Variants in LYST observed in about 807,000 individuals in gnomAD.
The protein encoded by LYST is lysosomal-trafficking regulator.
LYST carries 192 observed loss-of-function variants against 413.6 expected under a neutral mutation model. The ratio of observed to expected loss-of-function variants is 0.46; its 90% CI spans 0.41 to 0.52. The LOEUF is 0.52. Ranked by LOEUF, LYST falls within the 20% of genes least tolerant of loss-of-function variation. LYST has a pLI of 0.00. For synonymous variants in LYST, 1,525 were observed against 1,567.3 expected (o/e 0.97, Z 0.64); for missense variants, 3,815 against 4,499.9 (o/e 0.85, Z 4.35).
At chr1:235,798,578 TAAAAAAAAAAAAAAAAAAAAAAA>T (rs71174462) in intron 10 of LYST, among the ~76,000 whole-genome samples, 8 of 81,712 alleles carry the variant, frequency 9.8e-5, no homozygotes, top group South Asian at 5.5e-4. Flanking sequence ...AACCCTGTCA[TAAAAAAAAAAAAAAAAAAAAAAA>T]AAAAAAAAAA....
chr1:235,848,579 A>C (rs1275020763), intron 1 of LYST, among the ~76,000 whole-genome samples: 1 of 152,166 alleles, frequency 6.6e-6, no homozygotes, highest in Non-Finnish European at 1.5e-5. Flanking sequence ...AAGATAAATG[A>C]AACAAAAAGC....
At chr1:235,875,694 A>G (rs761760512) in intron 1 of LYST, among the ~76,000 whole-genome samples, 2 of 152,130 alleles carry the variant, frequency 1.3e-5, no homozygotes, top group African/African-American at 2.4e-5. Context: ...AAAGTAAAAA[A>G]TTAGCCAGGC....
At chr1:235,688,996 T>C (rs1439646497) in intron 47 of LYST, among the ~76,000 whole-genome samples, 1 of 106,882 alleles carries the variant, frequency 9.4e-6, no homozygotes, top group African/African-American at 5.3e-5. Flanking sequence ...ATAATAATAA[T>C]AATAATAATA....
intron 14 of LYST, among the ~76,000 whole-genome samples, chr1:235,785,703 A>T (rs1020377796): frequency 1.3e-5 from 2 of 152,132 alleles, no homozygotes; most frequent in African/African-American, 4.8e-5. Context: ...ATTCATTTTT[A>T]TTTCTCATTA....
In LYST at chr1:235,853,966, T is replaced by TAG. The variant is rs543711695; in HGVS notation, c.-98+12875_-98+12876dup. Among the ~76,000 whole-genome samples the TAG allele has an allele frequency of 5.9e-3, 900 of 152,208 alleles. 4 individuals carry two copies. The highest frequency in any genetic ancestry group is 0.01 in the Non-Finnish European group (710 of 68,004). Reference sequence around the variant, plus strand: ...TAGAAATTCTGAGATATTGTAGCTATAGAGAGAGAGACGGCATTTAAAGGA... The same window carrying TAG: ...TAGAAATTCTGAGATATTGTAGCTATAGAGAGAGAGAGACGGCATTTAAAGGA... On this transcript the variant is annotated intron_variant, in intron 1 of 52. Coordinates refer to ENST00000389793, the MANE Select transcript of LYST (RefSeq NM_000081.4).
chr1:235,824,235 A>G (rs937395822), intron 3 of LYST, among the ~76,000 whole-genome samples: 4 of 152,262 alleles, frequency 2.6e-5, no homozygotes, highest in Admixed American at 1.3e-4. Context: ...ACTCAGCAAC[A>G]TAAGTAACAA....
chr1:235,726,514 AG>A (rs1461166632), intron 38 of LYST, among the ~76,000 whole-genome samples: 3 of 152,166 alleles, frequency 2.0e-5, no homozygotes, highest in Admixed American at 2.0e-4. Context: ...TGGGTCAAAA[AG>A]GGGGCATGAA....
chr1:235,800,532 G>A, intron 9 of LYST, 146 bp from the exon 10 acceptor site: 1 of 613,166 alleles, frequency 1.6e-6, no homozygotes, highest in Non-Finnish European at 2.9e-6. Context: ...ACTATGTGTA[G>A]GATTATACTA....
At chr1:235,871,633 C>A (rs1680929447), upstream of LYST, among the ~76,000 whole-genome samples, 1 of 152,224 alleles carries the variant, frequency 6.6e-6, no homozygotes, top group Non-Finnish European at 1.5e-5. Flanking sequence ...GTACACTATT[C>A]TTAACAACCT....
At position 235,808,268 on chromosome 1, in the gene LYST, A is replaced by G. The variant is rs954202985; in HGVS notation, c.2363+187T>C. The stretch of plus-strand genomic sequence containing the variant: ...TGGAAGGAGAACATTTTTTGTTGAC[A>G]AATTGAAATTAAATCCTAGGAAAGA... On this transcript the variant is annotated intron_variant, in intron 5 of 52. Coordinates refer to ENST00000389793, the MANE Select transcript of LYST (RefSeq NM_000081.4). 2.4e-4 allele frequency among the ~76,000 whole-genome samples: 36 copies of G among 152,324 alleles called. 1 individual carries two copies. The highest frequency in any genetic ancestry group is 7.9e-4 in the African/African-American group (33 of 41,576).
chr1:235,770,383 T>TG, intron 19 of LYST, 86 bp from the exon 20 acceptor site: 1 of 1,157,044 alleles, frequency 8.6e-7, no homozygotes. Flanking sequence ...CGCGCAACAA[T>TG]TTAACATTGT....
intron 42 of LYST, among the ~76,000 whole-genome samples, chr1:235,714,271 T>C (rs1000156000): frequency 6.6e-6 from 1 of 152,168 alleles, no homozygotes; most frequent in Non-Finnish European, 1.5e-5. Context: ...GATAGGACCA[T>C]GCATCCAGGA....
intron 29 of LYST, among the ~76,000 whole-genome samples, chr1:235,745,731 C>A (rs1665855436): frequency 6.6e-6 from 1 of 152,134 alleles, no homozygotes; most frequent in South Asian, 2.1e-4. Context: ...TTGATATATG[C>A]AACAACCAGA....
Position 235,708,166 on chromosome 1 carries a change from T to C in LYST, c.10143+925A>G, listed in dbSNP as rs1662132242. ...TACCAAATAGCATTATTATTATTAT[T>C]ATATAAATGGAATGATACATATGTA... is the stretch of plus-strand genomic sequence containing the variant. On this transcript the variant is annotated intron_variant, in intron 44 of 52. Coordinates refer to ENST00000389793, the MANE Select transcript of LYST (RefSeq NM_000081.4). Among the ~76,000 whole-genome samples, 4 of 152,150 alleles carry C rather than the reference T, an allele frequency of 2.6e-5. No individual in the cohort carries two copies. The South Asian group carries it at 8.3e-4, about 32-fold the overall frequency.
At chr1:235,764,619 C>T (rs1313813958) in intron 21 of LYST, among the ~76,000 whole-genome samples, 2 of 151,386 alleles carry the variant, frequency 1.3e-5, no homozygotes, top group Non-Finnish European at 2.9e-5. Flanking sequence ...CCTGCCTCAG[C>T]CTCCCAAGTA....
intron 10 of LYST, among the ~76,000 whole-genome samples, chr1:235,796,229 A>G (rs1210681149): frequency 6.6e-6 from 1 of 152,140 alleles, no homozygotes; most frequent in Non-Finnish European, 1.5e-5. Context: ...CTAAGATATG[A>G]CACTAAAAGC....
intron 3 of LYST, chr1:235,828,174 T>G (rs1245609436): frequency 2.1e-6 from 2 of 961,924 alleles, no homozygotes; most frequent in Non-Finnish European, 2.5e-6. Flanking sequence ...TTTCAGTCAT[T>G]TAGTAATACA....
In LYST at chr1:235,830,270, G is replaced by C. The variant is rs80338643; in HGVS notation, c.148C>G (p.Arg50Gly). ...AGCTTGGTAAGTAATAGAAATCCTC[G>C]ACCATGGACAAGGTACTGTCCAAGG... is the stretch of plus-strand genomic sequence containing the variant. ...ATLGQYLVHG[R>G]GFLLLTKLNS... is the part of the protein sequence containing the mutation. Residue 50 changes from arginine to glycine, a missense_variant, in exon 3 of 53, where the codon CGA (arginine) becomes GGA (glycine). Arg to Gly is a moderately radical substitution (Grantham distance 125). This residue lies in a region of LYST where 1,648 missense variants were observed against 1,810.3 expected (regional missense o/e 0.91). Transcript: ENST00000389793. 11 of 1,613,582 alleles carry C rather than the reference G, an allele frequency of 6.8e-6. No individual in the cohort carries two copies. The South Asian group carries it at 7.7e-5, about 11-fold the overall frequency.
At position 235,709,281 on chromosome 1, in the gene LYST, C is replaced by T. The variant is rs942381705; in HGVS notation, c.9953G>A (p.Gly3318Asp). 3.7e-6 allele frequency: 6 copies of T among 1,613,794 alleles called. No homozygotes were observed. The African/African-American group carries it at 5.3e-5, about 14-fold the overall frequency. Reference sequence around the variant, plus strand: ...AAGGTTGACGTGATTAACCCGTTCACCATTCTGACGCACACCAAAATCAAA... The same window carrying T: ...AAGGTTGACGTGATTAACCCGTTCATCATTCTGACGCACACCAAAATCAAA... ...EGFDFGVRQN[G>D]ERVNHVNLPP... The change falls in exon 44 of 53, where the codon GGT (glycine) becomes GAT (aspartate). Residue 3318 changes from glycine to aspartate, a missense_variant. Physicochemically the swap from Gly to Asp is moderately conservative, Grantham distance 94. This residue lies in a region of LYST where 866 missense variants were observed against 1,156.0 expected (regional missense o/e 0.75). Transcript: ENST00000389793.
Sources: gnomAD v4.1 joint callset for allele counts (sites outside exome capture counted in the v4.1 genomes callset) on GRCh38, gnomAD v4.1.1 for gene constraint, gnomAD v4.1.1 regional missense constraint, MANE v1.5 for transcripts, NCBI Gene and HGNC (gene_info 2026-07-23, HGNC 2026-07-21) for gene names.